The following TSPAN7 variants were observed in gnomAD, a reference collection of about 807,000 sequenced individuals.
TSPAN7 encodes tetraspanin 7, also known as tetraspanin-7.
In TSPAN7, 1 loss-of-function variant was observed where a neutral mutation model predicts 17.6. The ratio of observed to expected loss-of-function variants is 0.06; its 90% CI spans 0.02 to 0.27. The LOEUF is 0.27. Ranked by LOEUF, TSPAN7 falls within the 10% of genes least tolerant of loss-of-function variation. The pLI, the probability that TSPAN7 is intolerant of heterozygous loss-of-function variation, is 1.00. For missense variants in TSPAN7, 112 were observed against 201.7 expected (o/e 0.56, Z 2.69); for synonymous variants, 78 against 79.0 (o/e 0.99, Z 0.07).
intron 1 of TSPAN7, among the ~76,000 whole-genome samples, chrX:38,594,811 T>G (rs188136301): frequency 1.8e-5 from 2 of 112,081 alleles, no homozygotes; most frequent in African/African-American, 6.5e-5. Flanking sequence ...TCAAATTAAT[T>G]AACATATCCA....
chrX:38,618,113 AG>A (rs1036810264), intron 1 of TSPAN7, among the ~76,000 whole-genome samples: 3 of 111,962 alleles, frequency 2.7e-5, no homozygotes, highest in Non-Finnish European at 3.8e-5. Flanking sequence ...GAAGGACCAT[AG>A]GGTGGTACAG....
At chrX:38,636,785 C>T (rs1297895050) in intron 1 of TSPAN7, among the ~76,000 whole-genome samples, 1 of 110,768 alleles carries the variant, frequency 9.0e-6, no homozygotes, top group Non-Finnish European at 1.9e-5. Flanking sequence ...AAGCAATTCT[C>T]CTGCCTCAGC....
intron 1 of TSPAN7, chrX:38,563,042 C>G (rs913351881): frequency 3.0e-5 from 29 of 968,907 alleles, no homozygotes; most frequent in Non-Finnish European, 3.8e-5. Flanking sequence ...TTGCAATGGT[C>G]AAGGAAGAAG....
intron 2 of TSPAN7, among the ~76,000 whole-genome samples, chrX:38,666,748 G>A (rs899811998): frequency 2.4e-4 from 26 of 110,045 alleles, no homozygotes; most frequent in African/African-American, 6.6e-4. Context: ...ACAGGCGCCC[G>A]CCACCACGCC....
chrX:38,596,551 A>G (rs751095158), intron 1 of TSPAN7, among the ~76,000 whole-genome samples: 8 of 111,247 alleles, frequency 7.2e-5, no homozygotes, highest in African/African-American at 2.0e-4. Flanking sequence ...ACGTAGGTCT[A>G]TATTGAGGCT....
rs1043233267 is a variant in TSPAN7 at position 38,675,592 on chromosome X, A to G, written c.442-113A>G. On this transcript the variant is annotated intron_variant, in intron 4 of 7. Coordinates refer to ENST00000378482, the MANE Select transcript of TSPAN7 (RefSeq NM_004615.4). The stretch of plus-strand genomic sequence containing the variant: ...TCATCTTGACTCACCAAAGCTGCAC[A>G]TGTTGTCTTAGGGCTTTTGCCTGTG... The G allele has an allele frequency of 7.7e-6, 7 of 910,923 alleles. No homozygotes were observed. In the African/African-American group the frequency reaches 7.8e-5, roughly 10 times the overall value. The allele number at this position is 910,923 out of a possible 1,213,427, so 75.1% of individuals were successfully genotyped here. A position where few individuals can be genotyped will look rare whatever the true frequency, so the allele number is the denominator to read the frequency against.
chrX:38,590,299 T>G (rs1038128574), intron 1 of TSPAN7, among the ~76,000 whole-genome samples: 2 of 111,750 alleles, frequency 1.8e-5, no homozygotes, highest in African/African-American at 6.5e-5. Flanking sequence ...AGATGGAGTC[T>G]CATTGTGTTG....
At chrX:38,628,476 G>C (rs1349554238) in intron 1 of TSPAN7, among the ~76,000 whole-genome samples, 2 of 111,638 alleles carry the variant, frequency 1.8e-5, no homozygotes, top group Admixed American at 9.5e-5. Flanking sequence ...GGTGCATAGT[G>C]GGCAGAGTAT....
At chrX:38,563,668 T>A (rs1186620292) in intron 1 of TSPAN7, among the ~76,000 whole-genome samples, 1 of 111,686 alleles carries the variant, frequency 9.0e-6, no homozygotes, top group Non-Finnish European at 1.9e-5. Context: ...CCCCAATACA[T>A]CTTAAACAAT....
At chrX:38,653,841 G>T (rs1426772420) in intron 1 of TSPAN7, among the ~76,000 whole-genome samples, 1 of 112,360 alleles carries the variant, frequency 8.9e-6, no homozygotes, top group Non-Finnish European at 1.9e-5. Context: ...ATGTATACAT[G>T]TGCCATGTTG....
At chrX:38,671,317 A>C in intron 2 of TSPAN7, 59 bp from the exon 3 acceptor site, 1 of 1,122,832 alleles carries the variant, frequency 8.9e-7, no homozygotes, top group Non-Finnish European at 1.2e-6. Context: ...CCTACCCTGA[A>C]GAAGCCCTCT....
At chrX:38,590,469 T>C (rs2069284869) in intron 1 of TSPAN7, among the ~76,000 whole-genome samples, 1 of 112,282 alleles carries the variant, frequency 8.9e-6, no homozygotes, top group Non-Finnish European at 1.9e-5. Context: ...TATTCTGTTT[T>C]CTGGAAGTGA....
chrX:38,569,435 G>A (rs111730266), intron 1 of TSPAN7, among the ~76,000 whole-genome samples: 1,085 of 86,116 alleles, frequency 0.013, 7 homozygotes, highest in Middle Eastern at 0.057. Flanking sequence ...ACCCTCCAAA[G>A]AATAAATATC....
chrX:38,592,656 A>G (rs2069298375), intron 1 of TSPAN7, among the ~76,000 whole-genome samples: 1 of 110,957 alleles, frequency 9.0e-6, no homozygotes, highest in African/African-American at 3.3e-5. Flanking sequence ...CTGTGATAGT[A>G]TAAAATACAG....
rs2069937921 is a variant in TSPAN7 at position 38,688,496 on chromosome X, A to T, written c.*565A>T. 2 of 113,187 alleles carry T rather than the reference A, an allele frequency of 1.8e-5. No individual in the cohort carries two copies. Among genetic ancestry groups the T allele is most frequent in the Non-Finnish European group, 3.7e-5 (2 of 53,362 alleles). The allele number at this position is 113,187 out of a possible 1,213,427, so 9.3% of individuals were successfully genotyped here. On this transcript the variant is annotated 3_prime_UTR_variant, in exon 8 of 8. Transcript: ENST00000378482. ...TAACGAAACACTTCAATAATTGTCC[A>T]TGAGGAGAAAAAAAGCATGTGTCAT... is the stretch of plus-strand genomic sequence containing the variant.
chrX:38,643,316 CAAAA>C (rs755183799), intron 1 of TSPAN7, among the ~76,000 whole-genome samples: 19 of 108,396 alleles, frequency 1.8e-4, no homozygotes, highest in South Asian at 4.2e-4. Flanking sequence ...GTAAATAAAG[CAAAA>C]AAAGCCACAA....
chrX:38,656,472 G>C (rs1421614109), intron 1 of TSPAN7, among the ~76,000 whole-genome samples: 1 of 111,691 alleles, frequency 9.0e-6, no homozygotes, highest in Non-Finnish European at 1.9e-5. Context: ...TTGGCTATCT[G>C]CTAATGGCGC....
intron 1 of TSPAN7, among the ~76,000 whole-genome samples, chrX:38,651,774 T>C (rs1295016577): frequency 8.9e-6 from 1 of 112,081 alleles, no homozygotes; most frequent in African/African-American, 3.3e-5. Context: ...AGATCTCTGG[T>C]GCAATATACC....
At chrX:38,619,300 G>A (rs368094928) in intron 1 of TSPAN7, among the ~76,000 whole-genome samples, 1 of 111,165 alleles carries the variant, frequency 9.0e-6, no homozygotes, top group Non-Finnish European at 1.9e-5. Flanking sequence ...TGTTGCATTC[G>A]CTCTGCTTTG....
Sources: gnomAD v4.1 joint callset for allele counts (sites outside exome capture counted in the v4.1 genomes callset) on GRCh38, gnomAD v4.1.1 for gene constraint, MANE v1.5 for transcripts, NCBI Gene and HGNC (gene_info 2026-07-23, HGNC 2026-07-21) for gene names.